The following KATNBL1 variants were observed in gnomAD, a reference collection of about 807,000 sequenced individuals.
The protein encoded by KATNBL1 is katanin regulatory subunit B1 like 1.
In KATNBL1, 28 loss-of-function variants were observed where a neutral mutation model predicts 44.7. The ratio of observed to expected loss-of-function variants is 0.63; its 90% CI spans 0.46 to 0.86. The LOEUF (loss-of-function observed/expected upper bound fraction) is 0.86. Among genes scored for constraint, KATNBL1 ranks in the 40% least tolerant of loss-of-function variants. The pLI is 0.00. For synonymous variants in KATNBL1, 78 were observed against 114.9 expected, an observed-to-expected ratio of 0.68 and a Z score of 2.06; for missense variants, 272 against 350.7, an observed-to-expected ratio of 0.78 and a Z score of 1.79.
intron 1 of KATNBL1, among the ~76,000 whole-genome samples, chr15:34,187,662 A>G (rs1889753635): frequency 6.6e-6 from 1 of 152,212 alleles, no homozygotes. Flanking sequence ...TTACCCATAC[A>G]AAGTACAGCA....
intron 1 of KATNBL1, among the ~76,000 whole-genome samples, chr15:34,185,950 G>T (rs1431863860): frequency 6.6e-6 from 1 of 152,148 alleles, no homozygotes; most frequent in Non-Finnish European, 1.5e-5. Context: ...AGTCCTGCTG[G>T]TTGGTTTCCT....
At position 34,148,550 on chromosome 15, in the gene KATNBL1, T is replaced by C. The variant is rs2140902352; in HGVS notation, c.557+82A>G. ...CTGCAGTGAGCCATGATTGTGCCAC[T>C]GTACTCCAACTTGGATGACAAAGCA... On this transcript the variant is annotated intron_variant, in intron 5 of 9. Coordinates refer to ENST00000256544, the MANE Select transcript of KATNBL1 (RefSeq NM_024713.3). The C allele has an allele frequency of 3.8e-6, 3 of 786,848 alleles. No homozygotes were observed. The South Asian group carries it at 4.7e-5, about 12-fold the overall frequency. 48.7% of individuals were successfully genotyped at this position (786,848 alleles called of 1,614,324 possible).
Position 34,142,383 on chromosome 15 carries a change from A to C in KATNBL1, c.883-12T>G. 3.8e-6 allele frequency: 6 copies of C among 1,579,308 alleles called. No homozygotes were observed. Among genetic ancestry groups the C allele is most frequent in the Non-Finnish European group, 5.2e-6 (6 of 1,161,750 alleles). On this transcript the variant is annotated splice_polypyrimidine_tract_variant and intron_variant, in intron 9 of 9. Transcript: ENST00000256544. ...TAAGCATCTACATCCTTAGAAGATA[A>C]AACAAAAACATTTCATTAGACAGTA...
intron 1 of KATNBL1, among the ~76,000 whole-genome samples, chr15:34,192,131 G>A (rs1056234515): frequency 1.6e-4 from 25 of 151,844 alleles, no homozygotes; most frequent in African/African-American, 3.6e-4. Flanking sequence ...TCAGTCAGGC[G>A]CAGTGGCTCA....
chr15:34,167,733 G>A (rs1299742641), intron 1 of KATNBL1, among the ~76,000 whole-genome samples: 5 of 151,692 alleles, frequency 3.3e-5, no homozygotes, highest in African/African-American at 1.2e-4. Flanking sequence ...GACTAACAGC[G>A]CATTTCTCGG....
chr15:34,194,205 G>A (rs969855460), intron 1 of KATNBL1, among the ~76,000 whole-genome samples: 2 of 152,254 alleles, frequency 1.3e-5, no homozygotes, highest in South Asian at 4.1e-4. Context: ...CTCACAAAGT[G>A]GTGGGATTAT....
chr15:34,144,394 C>G (rs1343483914), intron 9 of KATNBL1, among the ~76,000 whole-genome samples: 3 of 151,028 alleles, frequency 2.0e-5, no homozygotes, highest in Non-Finnish European at 4.4e-5. Context: ...TAACTAAGTC[C>G]ATGACATAAA....
At chr15:34,200,177 C>T (rs1413698764) in intron 1 of KATNBL1, among the ~76,000 whole-genome samples, 2 of 152,188 alleles carry the variant, frequency 1.3e-5, no homozygotes, top group African/African-American at 4.8e-5. Context: ...CTCTCACCTA[C>T]TCGGAACAAC....
At chr15:34,195,690 C>CAAAAAAAAAAAAAAAAAAAAAAA (rs5811824) in intron 1 of KATNBL1, among the ~76,000 whole-genome samples, 12 of 111,406 alleles carry the variant, frequency 1.1e-4, no homozygotes, top group African/African-American at 4.4e-4. Context: ...GACGCCATCT[C>CAAAAAAAAAAAAAAAAAAAAAAA]AAAAAAAAAA....
intron 1 of KATNBL1, among the ~76,000 whole-genome samples, chr15:34,199,063 T>A (rs1040445761): frequency 6.6e-5 from 10 of 152,204 alleles, no homozygotes; most frequent in Admixed American, 5.2e-4. Context: ...GCAGTGCTAC[T>A]CATGTACTGT....
intron 4 of KATNBL1, among the ~76,000 whole-genome samples, chr15:34,150,589 C>G (rs753185765): frequency 2.0e-5 from 3 of 152,128 alleles, no homozygotes; most frequent in Non-Finnish European, 4.4e-5. Context: ...GCGAGAGACC[C>G]TGTTTCAAAA....
intron 1 of KATNBL1, among the ~76,000 whole-genome samples, chr15:34,205,065 C>G (rs545824824): frequency 6.6e-6 from 1 of 150,950 alleles, no homozygotes; most frequent in South Asian, 2.1e-4. Flanking sequence ...GCAATATCGG[C>G]TCACTGCAAC....
chr15:34,192,368 C>T (rs1027685094), intron 1 of KATNBL1, among the ~76,000 whole-genome samples: 1 of 148,462 alleles, frequency 6.7e-6, no homozygotes, highest in Non-Finnish European at 1.5e-5. Flanking sequence ...GGCGCCACTG[C>T]ACTCAAGCCT....
intron 1 of KATNBL1, chr15:34,199,805 G>C (rs1890126780): frequency 6.6e-6 from 1 of 152,142 alleles, no homozygotes; most frequent in South Asian, 2.1e-4. Context: ...CAAACAGTGA[G>C]CAACAGCAAG....
At chr15:34,160,695 T>C (rs1464319499) in intron 2 of KATNBL1, among the ~76,000 whole-genome samples, 1 of 152,202 alleles carries the variant, frequency 6.6e-6, no homozygotes, top group Non-Finnish European at 1.5e-5. Context: ...AGGGGGAATA[T>C]TATTGTTGCT....
chr15:34,159,041 C>T lies in KATNBL1; in HGVS notation c.118-4357G>A, dbSNP rs74448442. On this transcript the variant is annotated intron_variant, in intron 2 of 9. Coordinates refer to ENST00000256544, the MANE Select transcript of KATNBL1 (RefSeq NM_024713.3). ...TCAACGCTCTCTAACAGGATAGCTT[C>T]GTATTTTAAAATTATTGATTCAATA... 4.6e-5 allele frequency among the ~76,000 whole-genome samples: 7 copies of T among 152,170 alleles called. No homozygotes were observed. In the East Asian group the frequency reaches 1.3e-3, roughly 29 times the overall value.
rs572408136 is a variant in KATNBL1 at position 34,149,797 on chromosome 15, C to T, written c.439-1047G>A. On this transcript the variant is annotated intron_variant, in intron 4 of 9. Transcript: ENST00000256544. The stretch of plus-strand genomic sequence containing the variant: ...GCCTACAGTCCCAGCTACTTGGGAA[C>T]CTGAGGTGGGAGAACCACTTGAGCT... 2.0e-5 allele frequency among the ~76,000 whole-genome samples: 3 copies of T among 152,284 alleles called. No homozygotes were observed. In the South Asian group the frequency reaches 6.2e-4, roughly 32 times the overall value.
intron 5 of KATNBL1, 149 bp from the exon 6 acceptor site, chr15:34,147,579 A>G: frequency 1.5e-6 from 1 of 659,584 alleles, no homozygotes; most frequent in South Asian, 1.9e-5. Context: ...ACAGCAATGA[A>G]CAAAGACACA....
intron 1 of KATNBL1, among the ~76,000 whole-genome samples, chr15:34,190,421 T>G (rs1889841591): frequency 6.6e-6 from 1 of 152,202 alleles, no homozygotes; most frequent in South Asian, 2.1e-4. Flanking sequence ...GAATACACCT[T>G]GGGTCACAGT....
Sources: allele counts gnomAD v4.1 joint callset (sites outside exome capture counted in the v4.1 genomes callset), GRCh38; gene constraint gnomAD v4.1.1; transcripts MANE v1.5; gene names NCBI Gene and HGNC (gene_info 2026-07-23, HGNC 2026-07-21).